The following CCDC144A variants were observed in gnomAD, a reference collection of about 807,000 sequenced individuals.
CCDC144A encodes the protein coiled-coil domain containing 144A.
CCDC144A carries 41 observed loss-of-function variants against 143.8 expected under a neutral mutation model. The observed-to-expected ratio is 0.29, with a 90% CI of 0.22 to 0.37. The LOEUF (loss-of-function observed/expected upper bound fraction) is 0.37, where lower values mean the gene tolerates loss of function less well. CCDC144A is among the 10% of genes least tolerant of loss of function. CCDC144A has a pLI of 1.00. For synonymous variants in CCDC144A, 242 were observed against 517.9 expected, an observed-to-expected ratio of 0.47 and a Z score of 7.23; for missense variants, 637 against 1,488.8, an observed-to-expected ratio of 0.43 and a Z score of 9.41.
At chr17:16,669,926 T>C in the CCDC144A span, among the ~76,000 whole-genome samples, 42 of 152,274 alleles carry the variant, frequency 2.8e-4, no homozygotes, top group Admixed American at 9.8e-4. Flanking sequence ...CCGGTGGCTA[T>C]AATCCCAGCC....
intron 5 of CCDC144A, among the ~76,000 whole-genome samples, chr17:16,711,185 C>T (rs1912422180): frequency 1.7e-5 from 2 of 119,934 alleles, no homozygotes; most frequent in South Asian, 5.5e-4. Flanking sequence ...AAAAGAATAG[C>T]TTAGTGCAGA....
intron 12 of CCDC144A, among the ~76,000 whole-genome samples, chr17:16,749,079 G>T (rs1914667816): frequency 6.6e-6 from 1 of 151,354 alleles, no homozygotes; most frequent in Non-Finnish European, 1.5e-5. Context: ...TGGATTTTTG[G>T]GCCTCAAGTT....
chr17:16,746,580 G>T, intron 12 of CCDC144A: 2 of 1,613,682 alleles, frequency 1.2e-6, no homozygotes, highest in Admixed American at 1.7e-5. Flanking sequence ...CCATCAAAAC[G>T]ATCTCTAAAA....
intron 8 of CCDC144A, among the ~76,000 whole-genome samples, chr17:16,722,748 C>T (rs1433760849): frequency 6.6e-6 from 1 of 152,040 alleles, no homozygotes; most frequent in Non-Finnish European, 1.5e-5. Context: ...TTGCCTTTTC[C>T]AAAATGTCAT....
chr17:16,752,536 G>A (rs1354836306), intron 12 of CCDC144A, among the ~76,000 whole-genome samples: 1 of 138,802 alleles, frequency 7.2e-6, no homozygotes, highest in African/African-American at 2.8e-5. Flanking sequence ...GCTTGAATCC[G>A]GGGGGTATTG....
chr17:16,714,455 G>A (rs546300235), intron 6 of CCDC144A, among the ~76,000 whole-genome samples: 10 of 152,166 alleles, frequency 6.6e-5, no homozygotes, highest in Non-Finnish European at 7.4e-5. Context: ...GGCAACTCTT[G>A]CAGTTGCTCT....
intron 2 of CCDC144A, among the ~76,000 whole-genome samples, chr17:16,697,817 A>G (rs1214577768): frequency 2.6e-5 from 4 of 152,242 alleles, no homozygotes; most frequent in African/African-American, 7.2e-5. Flanking sequence ...AAAGAGGTAC[A>G]GTTAATATGA....
chr17:16,730,098 C>G lies in CCDC144A; in HGVS notation c.2106-1702C>G, dbSNP rs1286660185. Among the ~76,000 whole-genome samples, 4 of 132,116 alleles carry G rather than the reference C, an allele frequency of 3.0e-5. No individual in the cohort carries two copies. The East Asian group carries it at 8.5e-4, about 28-fold the overall frequency. 86.7% of individuals were successfully genotyped at this position (132,116 alleles called of 152,430 possible). A position where few individuals can be genotyped will look rare whatever the true frequency, so the allele number is the denominator to read the frequency against. ...AAGTCATTCTCCTGCCTTGGCCTCC[C>G]AAAGTACCGGGATTACAGATGTGAG... On this transcript the variant is annotated intron_variant, in intron 9 of 16. Coordinates refer to ENST00000399273, the MANE Select transcript of CCDC144A (RefSeq NM_001382000.1).
rs746899551 is a variant in CCDC144A at position 16,734,972 on chromosome 17, A to G, written c.2701A>G (p.Asn901Asp). ...CAAAATACTCAATTCTGAACTGGAG[A>G]ATGGGAAACAGAACCAAGAAAGACT... ...ENKILNSELE[N>D]GKQNQERLEI... Residue 901 changes from asparagine to aspartate, a missense_variant, in exon 12 of 17, where the codon AAT (asparagine) becomes GAT (aspartate). Physicochemically the swap from Asn to Asp is conservative, Grantham distance 23. Coordinates refer to ENST00000399273, the MANE Select transcript of CCDC144A (RefSeq NM_001382000.1). 3.7e-6 allele frequency: 6 copies of G among 1,604,348 alleles called. No individual in the cohort carries two copies. The highest frequency in any genetic ancestry group is 2.2e-4 in the Middle Eastern group (1 of 4,624).
the CCDC144A span, chr17:16,683,787 A>C: frequency 6.9e-7 from 1 of 1,453,332 alleles, no homozygotes. Context: ...AAGCACATGA[A>C]GCCGAGCGTG....
intron 13 of CCDC144A, 112 bp downstream of exon 13, chr17:16,761,830 A>G (rs1915390456): frequency 8.0e-7 from 1 of 1,250,186 alleles, no homozygotes; most frequent in Admixed American, 2.8e-5. Flanking sequence ...TGTTTGGTAG[A>G]CTTCTAGAAG....
intron 1 of CCDC144A, 90 bp downstream of exon 1, chr17:16,690,834 T>G: frequency 7.5e-7 from 1 of 1,332,188 alleles, no homozygotes; most frequent in Non-Finnish European, 1.0e-6. Context: ...TGGGGAAACG[T>G]CAGAGGGGTC....
chr17:16,682,901 T>G, the CCDC144A span, among the ~76,000 whole-genome samples: 258 of 120,554 alleles, frequency 2.1e-3, 11 homozygotes, highest in African/African-American at 6.8e-3. Flanking sequence ...TTTTTTTTTT[T>G]TTTTTTTTTT....
chr17:16,703,664 C>CGTG (rs1911863544), intron 2 of CCDC144A, among the ~76,000 whole-genome samples: 3 of 151,918 alleles, frequency 2.0e-5, no homozygotes, highest in Admixed American at 2.0e-4. Context: ...ATTAGCCGGG[C>CGTG]GTGGTGGAGG....
the CCDC144A span, among the ~76,000 whole-genome samples, chr17:16,674,177 G>C: frequency 6.6e-6 from 1 of 151,972 alleles, no homozygotes. Context: ...ACTTTGGGAG[G>C]CTGAGGTGGG....
At chr17:16,757,218 T>G (rs1361582936) in intron 12 of CCDC144A, among the ~76,000 whole-genome samples, 13 of 152,252 alleles carry the variant, frequency 8.5e-5, no homozygotes, top group Non-Finnish European at 1.9e-4. Context: ...GGACCTTGGA[T>G]CCCTTGGTAG....
intron 14 of CCDC144A, among the ~76,000 whole-genome samples, chr17:16,762,990 G>A (rs1268866261): frequency 7.0e-6 from 1 of 142,204 alleles, no homozygotes; most frequent in Non-Finnish European, 1.5e-5. Context: ...CGACTACTCT[G>A]GACACATTCT....
In CCDC144A at chr17:16,717,103, CTTTT is replaced by C. The variant is rs1195816990; in HGVS notation, c.1716-3082_1716-3079del. ...GGCGTGAGCCACCGCGCTCGGCCAG[CTTTT>C]TTTTTTTTTTTTCTTTTCTTTTTTC... On this transcript the variant is annotated intron_variant, in intron 6 of 16. Coordinates refer to ENST00000399273, the MANE Select transcript of CCDC144A (RefSeq NM_001382000.1). Among the ~76,000 whole-genome samples, 6 of 126,530 alleles carry C rather than the reference CTTTT, an allele frequency of 4.7e-5. No homozygotes were observed. In the South Asian group the frequency reaches 8.0e-4, roughly 17 times the overall value. The allele number at this position is 126,530 out of a possible 152,430, so 83.0% of individuals were successfully genotyped here.
intron 2 of CCDC144A, among the ~76,000 whole-genome samples, chr17:16,699,469 G>T (rs1439855943): frequency 8.5e-6 from 1 of 117,292 alleles, no homozygotes. Context: ...TCCGCCTCCC[G>T]GGTTCACACC....
Sources: gnomAD v4.1 joint callset for allele counts (sites outside exome capture counted in the v4.1 genomes callset) on GRCh38, gnomAD v4.1.1 for gene constraint, MANE v1.5 for transcripts, NCBI Gene and HGNC (gene_info 2026-07-23, HGNC 2026-07-21) for gene names.